Variants in NCOA4 observed in about 807,000 individuals in gnomAD.
NCOA4 encodes nuclear receptor coactivator 4.
A neutral mutation model predicts 69.5 loss-of-function variants in NCOA4; 31 were observed. That is an observed-to-expected ratio of 0.45 (90% CI 0.34 to 0.60). The LOEUF is 0.60. NCOA4 is among the 20% of genes least tolerant of loss of function. NCOA4 has a pLI of 0.02. For synonymous variants in NCOA4, 228 were observed against 252.4 expected (o/e 0.90, Z 0.92); for missense variants, 600 against 719.2 (o/e 0.83, Z 1.90).
chr10:46,009,971 C>T (rs1450140028), intron 8 of NCOA4, among the ~76,000 whole-genome samples: 1 of 152,040 alleles, frequency 6.6e-6, no homozygotes, highest in Non-Finnish European at 1.5e-5. Flanking sequence ...GTTCAGAGAC[C>T]AGCCCAGGCC....
rs1839152502 is a variant in NCOA4 at position 46,010,665 on chromosome 10, TCACA to T, written c.1252_1255del (p.Cys418MetfsTer14). ...CAGAGCCTCCTTCTCACAATTCTCATCACACACACACTCTGCAAAGCTTGTGCAG... is the reference window on the plus strand; with the variant it reads ...CAGAGCCTCCTTCTCACAATTCTCATCACACACTCTGCAAAGCTTGTGCAG... On this transcript the variant is annotated frameshift_variant, in exon 8 of 10. Transcript: ENST00000581486. LOFTEE classifies it high-confidence loss of function. 6.2e-7 allele frequency: 1 copy of T among 1,613,982 alleles called. No individual in the cohort carries two copies. Among genetic ancestry groups the T allele is most frequent in the South Asian group, 1.1e-5 (1 of 91,084 alleles).
At chr10:46,019,398 G>C (rs1554923910) in intron 1 of NCOA4, 1 of 985,308 alleles carries the variant, frequency 1.0e-6, no homozygotes, top group African/African-American at 1.7e-5. Context: ...TTGCACTTAG[G>C]CCAGTCATGC....
At position 46,014,568 on chromosome 10, in the gene NCOA4, C is replaced by A. The variant is rs782677160; in HGVS notation, c.372-16G>T. On this transcript the variant is annotated splice_polypyrimidine_tract_variant and intron_variant, in intron 4 of 9. Coordinates refer to ENST00000581486, the MANE Select transcript of NCOA4 (RefSeq NM_001145263.2). ...ACTGCCCAGTCTGGGGAAAAAAAAA[C>A]AAAATTGGCTATTTTTAAGGAATAT... 2 of 1,519,736 alleles carry A rather than the reference C, an allele frequency of 1.3e-6. No individual in the cohort carries two copies. The highest frequency in any genetic ancestry group is 1.4e-5 in the African/African-American group (1 of 71,820). 94.1% of individuals were successfully genotyped at this position (1,519,736 alleles called of 1,614,324 possible).
chr10:46,013,663 C>A (rs782257447), intron 5 of NCOA4, 24 bp from the exon 6 acceptor site: 1 of 1,543,996 alleles, frequency 6.5e-7, no homozygotes, highest in Non-Finnish European at 8.9e-7. Context: ...ATAATTTAAT[C>A]ATGTTATTTA....
chr10:46,019,621 C>CTGTA, intron 1 of NCOA4: 10 of 574,294 alleles, frequency 1.7e-5, no homozygotes, highest in Non-Finnish European at 2.0e-5. Flanking sequence ...ACAGTGCTGA[C>CTGTA]TGTATTACTA....
intron 8 of NCOA4, 25 bp downstream of exon 8, chr10:46,010,198 G>T: frequency 6.4e-7 from 1 of 1,566,582 alleles, no homozygotes; most frequent in Non-Finnish European, 8.6e-7. Flanking sequence ...ACTCAAACCA[G>T]TGCTATTTTG....
At chr10:46,014,705 G>T in intron 4 of NCOA4, 149 bp downstream of exon 4, 1 of 770,052 alleles carries the variant, frequency 1.3e-6, no homozygotes, top group Non-Finnish European at 2.1e-6. Flanking sequence ...GTATCAGCAA[G>T]TATAATATTA....
intron 1 of NCOA4, chr10:46,019,322 C>A: frequency 4.1e-6 from 4 of 985,388 alleles, no homozygotes; most frequent in Non-Finnish European, 4.8e-6. Context: ...ATGAAAAATA[C>A]CTGTATCACA....
chr10:46,025,280 C>T (rs1554925334), intron 1 of NCOA4, among the ~76,000 whole-genome samples: 1 of 152,188 alleles, frequency 6.6e-6, no homozygotes, highest in Non-Finnish European at 1.5e-5. Flanking sequence ...GCAAATAGAT[C>T]TGCCTTTTCA....
At chr10:46,030,339 G>A (rs544331419) in intron 1 of NCOA4, among the ~76,000 whole-genome samples, 187 bp downstream of exon 1, 2 of 151,394 alleles carry the variant, frequency 1.3e-5, no homozygotes, top group African/African-American at 2.4e-5. Flanking sequence ...TGGCCGGAAG[G>A]GGAGAAGACA....
chr10:46,010,260 G>A lies in NCOA4; in HGVS notation c.1661C>T (p.Ser554Phe). 3 of 1,612,760 alleles carry A rather than the reference G, an allele frequency of 1.9e-6. No homozygotes were observed. The highest frequency in any genetic ancestry group is 1.7e-6 in the Non-Finnish European group (2 of 1,179,550). Residue 554 changes from serine (S) to phenylalanine (F), a missense_variant, in exon 8 of 10, where the codon TCT becomes TTT. Transcript: ENST00000581486. Reference sequence around the variant, plus strand: ...TCGAAGCAGCCACTTGTCTTCTCCAGAAGATAACTGGCTGAGGTTGCCCAT... The same window carrying A: ...TCGAAGCAGCCACTTGTCTTCTCCAAAAGATAACTGGCTGAGGTTGCCCAT... ...KKMGNLSQLS[S>F]GEDKWLLRKK...
In NCOA4 at chr10:46,021,365, A is replaced by T. The variant is rs1839860918; in HGVS notation, c.-14-4671T>A. Among the ~76,000 whole-genome samples, 4 of 152,210 alleles carry T rather than the reference A, an allele frequency of 2.6e-5. No homozygotes were observed. The South Asian group carries it at 8.3e-4, about 31-fold the overall frequency. On this transcript the variant is annotated intron_variant, in intron 1 of 9. Coordinates refer to ENST00000581486, the MANE Select transcript of NCOA4 (RefSeq NM_001145263.2). Reference sequence around the variant, plus strand: ...ACTCTCATTCTACATATGAAGCCACAAAAGCCCAGATAGTTTAAGTGACCC... The same window carrying T: ...ACTCTCATTCTACATATGAAGCCACTAAAGCCCAGATAGTTTAAGTGACCC...
intron 1 of NCOA4, chr10:46,019,673 A>G (rs1839759615): frequency 1.3e-5 from 3 of 229,472 alleles, no homozygotes; most frequent in Non-Finnish European, 2.2e-5. Flanking sequence ...ACAAGTATTA[A>G]TATTACACAA....
intron 1 of NCOA4, chr10:46,022,355 T>C (rs117693325): frequency 4.5e-6 from 2 of 443,710 alleles, no homozygotes; most frequent in Non-Finnish European, 4.6e-6. Flanking sequence ...AGACCGTCTG[T>C]AAAGCTTTTA....
chr10:46,016,531 A>C lies in NCOA4; in HGVS notation c.141+9T>G. The C allele has an allele frequency of 6.8e-7, 1 of 1,472,758 alleles. No individual in the cohort carries two copies. Among genetic ancestry groups the C allele is most frequent in the Non-Finnish European group, 9.1e-7 (1 of 1,097,602 alleles). The allele number at this position is 1,472,758 out of a possible 1,614,324, so 91.2% of individuals were successfully genotyped here. ...TCCAGACAACAGAAGAGAAAAGCAC[A>C]TGTCACACCTCTCGCAAGTTATCTT... On this transcript the variant is annotated intron_variant, in intron 2 of 9. Transcript: ENST00000581486.
chr10:46,007,535 A>T (rs1263638146), intron 9 of NCOA4, among the ~76,000 whole-genome samples: 2 of 151,768 alleles, frequency 1.3e-5, no homozygotes, highest in Non-Finnish European at 2.9e-5. Context: ...CCTGGCTTCA[A>T]AGGACAGATG....
rs1268007869 is a variant in NCOA4, at chr10:46,009,297, A to G, written c.1839+114T>C. Reference sequence around the variant, plus strand: ...TCCCACCCTCACTTGCCTAATATACATACTATTAAAAGGGATATGGTTCAG... The same window carrying G: ...TCCCACCCTCACTTGCCTAATATACGTACTATTAAAAGGGATATGGTTCAG... On this transcript the variant is annotated intron_variant, in intron 9 of 9. Transcript: ENST00000581486. 14 of 1,472,562 alleles carry G rather than the reference A, an allele frequency of 9.5e-6. No homozygotes were observed. In the African/African-American group the frequency reaches 9.8e-5, roughly 10 times the overall value. The allele number at this position is 1,472,562 out of a possible 1,614,324, so 91.2% of individuals were successfully genotyped here.
rs1308976205 is a variant in NCOA4 at position 46,005,333 on chromosome 10, A to G, written c.*1259T>C. On this transcript the variant is annotated 3_prime_UTR_variant, in exon 10 of 10. Transcript: ENST00000581486. ...TCTGGGGAGGGAATTAAAAAATAAT[A>G]CAAAGCTCTTTTCAGCTGTGGTTCA... The G allele has an allele frequency of 1.4e-5, 3 of 214,114 alleles. No homozygotes were observed. Among genetic ancestry groups the G allele is most frequent in the African/African-American group, 6.8e-5 (3 of 44,284 alleles). 13.3% of individuals were successfully genotyped at this position (214,114 alleles called of 1,614,324 possible).
chr10:46,019,404 C>G (rs1372518213), intron 1 of NCOA4: 15 of 985,320 alleles, frequency 1.5e-5, no homozygotes, highest in Non-Finnish European at 1.7e-5. Flanking sequence ...TTAGGCCAGT[C>G]ATGCAAGACC....
Sources: gnomAD v4.1 joint callset for allele counts (sites outside exome capture counted in the v4.1 genomes callset) on GRCh38, gnomAD v4.1.1 for gene constraint, MANE v1.5 for transcripts, NCBI Gene and HGNC (gene_info 2026-07-23, HGNC 2026-07-21) for gene names.